Variants in AGBL4 observed in about 807,000 individuals in gnomAD.
The protein encoded by AGBL4 is AGBL carboxypeptidase 4.
A neutral mutation model predicts 66.4 loss-of-function variants in AGBL4; 58 were observed. The observed-to-expected ratio is 0.87, with a 90% CI of 0.71 to 1.09. The LOEUF (loss-of-function observed/expected upper bound fraction) is 1.09, where lower values mean the gene tolerates loss of function less well. AGBL4 is among the 50% of genes least tolerant of loss of function. The probability of loss-of-function intolerance (pLI) is 0.00; values close to 1 mark genes in which losing one functional copy is unlikely to be tolerated. For synonymous variants in AGBL4, 234 were observed against 222.9 expected, an observed-to-expected ratio of 1.05 and a Z score of -0.44; for missense variants, 579 against 631.0, an observed-to-expected ratio of 0.92 and a Z score of 0.88.
At chr1:49,685,383 G>A (rs562810318) in intron 3 of AGBL4, among the ~76,000 whole-genome samples, 11 of 152,178 alleles carry the variant, frequency 7.2e-5, no homozygotes, top group African/African-American at 2.6e-4. Flanking sequence ...GTGTCTTTAT[G>A]GTAGAAGGAT....
chr1:49,158,683 T>C (rs1296151291), intron 4 of AGBL4, among the ~76,000 whole-genome samples: 1 of 152,044 alleles, frequency 6.6e-6, no homozygotes, highest in East Asian at 1.9e-4. Context: ...AGTCCTCCAC[T>C]ATTATTCTGT....
intron 4 of AGBL4, among the ~76,000 whole-genome samples, chr1:49,194,480 AT>A (rs1398876384): frequency 1.3e-5 from 2 of 152,154 alleles, no homozygotes; most frequent in Non-Finnish European, 2.9e-5. Flanking sequence ...TCCAGTCTAT[AT>A]TTTTTAAGTG....
chr1:48,589,608 C>G (rs1032163289), intron 10 of AGBL4, among the ~76,000 whole-genome samples: 2 of 152,186 alleles, frequency 1.3e-5, no homozygotes, highest in Non-Finnish European at 2.9e-5. Context: ...TTTCCCACCC[C>G]ACAGCCTCTC....
intron 3 of AGBL4, among the ~76,000 whole-genome samples, chr1:49,684,458 A>T (rs1646751784): frequency 6.6e-6 from 1 of 152,122 alleles, no homozygotes; most frequent in South Asian, 2.1e-4. Flanking sequence ...TTAATTGTTC[A>T]GCAGTTAAAA....
chr1:49,712,856 T>TA, intron 2 of AGBL4, among the ~76,000 whole-genome samples: 1 of 152,100 alleles, frequency 6.6e-6, no homozygotes, highest in Non-Finnish European at 1.5e-5. Flanking sequence ...TTTTCATCTT[T>TA]AAAAGATGAA....
chr1:49,771,449 G>C (rs567323892), intron 2 of AGBL4, among the ~76,000 whole-genome samples: 79 of 152,098 alleles, frequency 5.2e-4, no homozygotes, highest in Middle Eastern at 3.4e-3. Flanking sequence ...TCCATGAGTG[G>C]TTGAGAAAAA....
At position 49,503,533 on chromosome 1, in the gene AGBL4, C is replaced by T. The variant is rs182644777; in HGVS notation, c.282+193780G>A. On this transcript the variant is annotated intron_variant, in intron 3 of 13. Coordinates refer to ENST00000371839, the MANE Select transcript of AGBL4 (RefSeq NM_032785.4). The stretch of plus-strand genomic sequence containing the variant: ...TGCACCTGGAAAAGCCACAGGTACT[C>T]AACACCAGTCTGTGAAAGCAGCCAG... Among the ~76,000 whole-genome samples, 196 of 152,234 alleles carry T rather than the reference C, an allele frequency of 1.3e-3. 2 individuals carry two copies. Among genetic ancestry groups the T allele is most frequent in the Middle Eastern group, 3.4e-3 (1 of 294 alleles).
intron 6 of AGBL4, among the ~76,000 whole-genome samples, chr1:48,825,169 C>A (rs1277745432): frequency 2.0e-5 from 3 of 152,146 alleles, no homozygotes; most frequent in Admixed American, 2.0e-4. Flanking sequence ...CAGCTTCGAA[C>A]ACAAACACAA....
chr1:49,816,066 T>G (rs568915647), intron 2 of AGBL4, among the ~76,000 whole-genome samples: 4 of 152,152 alleles, frequency 2.6e-5, no homozygotes, highest in Admixed American at 2.6e-4. Context: ...TATGTATTTT[T>G]TTAAGAGATG....
intron 5 of AGBL4, among the ~76,000 whole-genome samples, chr1:48,884,722 A>G (rs1446416423): frequency 2.0e-5 from 3 of 152,162 alleles, no homozygotes; most frequent in Non-Finnish European, 2.9e-5. Flanking sequence ...TTTCTCTGCA[A>G]GTAGAGTACC....
At chr1:49,463,089 C>T (rs971735898) in intron 3 of AGBL4, among the ~76,000 whole-genome samples, 2 of 151,624 alleles carry the variant, frequency 1.3e-5, no homozygotes, top group Non-Finnish European at 3.0e-5. Context: ...TGGGCCAGGA[C>T]CTTTACATGT....
chr1:49,724,821 G>A (rs1197480921), intron 2 of AGBL4, among the ~76,000 whole-genome samples: 4 of 152,118 alleles, frequency 2.6e-5, no homozygotes, highest in African/African-American at 9.7e-5. Flanking sequence ...GTGGCAAGAA[G>A]AAGGTCAGGA....
Position 49,000,331 on chromosome 1 carries a change from T to C in AGBL4, c.594+45253A>G, listed in dbSNP as rs369358617. On this transcript the variant is annotated intron_variant, in intron 5 of 13. Transcript: ENST00000371839. Reference sequence around the variant, plus strand: ...ACCTTTATGATCAAGTGATCTCCCTTATGTATATGACTGCACATGTCACTC... The same window carrying C: ...ACCTTTATGATCAAGTGATCTCCCTCATGTATATGACTGCACATGTCACTC... Among the ~76,000 whole-genome samples, 76 of 152,262 alleles carry C rather than the reference T, an allele frequency of 5.0e-4. 2 individuals carry two copies. The South Asian group carries it at 0.014, about 29-fold the overall frequency.
chr1:49,800,361 T>C (rs1247414903), intron 2 of AGBL4, among the ~76,000 whole-genome samples: 5 of 85,974 alleles, frequency 5.8e-5, no homozygotes, highest in Non-Finnish European at 2.4e-5. Context: ...ATTTTTTTTC[T>C]CATTTTCTTT....
In AGBL4 at chr1:48,696,328, G is replaced by A. The variant is rs545489349; in HGVS notation, c.635-33087C>T. On this transcript the variant is annotated intron_variant, in intron 6 of 13. Transcript: ENST00000371839. ...CTTGTCACTCACGTTGAGCTTGGAAGGATCCACATCATCGAGCTGGTGACC... is the reference window on the plus strand; with the variant it reads ...CTTGTCACTCACGTTGAGCTTGGAAAGATCCACATCATCGAGCTGGTGACC... Among the ~76,000 whole-genome samples, 7 of 152,270 alleles carry A rather than the reference G, an allele frequency of 4.6e-5. No homozygotes were observed. The South Asian group carries it at 1.0e-3, about 23-fold the overall frequency.
intron 5 of AGBL4, among the ~76,000 whole-genome samples, chr1:48,886,337 G>T (rs146478611): frequency 6.6e-6 from 1 of 152,260 alleles, no homozygotes; most frequent in Non-Finnish European, 1.5e-5. Flanking sequence ...GATGTTTTTG[G>T]CTGAGACAAT....
At chr1:48,722,333 C>G (rs1171860304) in intron 6 of AGBL4, among the ~76,000 whole-genome samples, 2 of 151,890 alleles carry the variant, frequency 1.3e-5, no homozygotes, top group Non-Finnish European at 2.9e-5. Flanking sequence ...ATGGGGAGGA[C>G]TAAAGAGCTG....
intron 5 of AGBL4, among the ~76,000 whole-genome samples, chr1:48,992,125 C>T (rs1229357224): frequency 6.6e-6 from 1 of 152,030 alleles, no homozygotes; most frequent in African/African-American, 2.4e-5. Flanking sequence ...TGTATCTGTC[C>T]TTTTTGGGAA....
At chr1:49,521,310 C>T (rs1650246200) in intron 3 of AGBL4, among the ~76,000 whole-genome samples, 1 of 151,898 alleles carries the variant, frequency 6.6e-6, no homozygotes, top group Non-Finnish European at 1.5e-5. Context: ...AAAAGCAATC[C>T]TAAGTAAAAA....
Sources: allele counts gnomAD v4.1 joint callset (sites outside exome capture counted in the v4.1 genomes callset), GRCh38; gene constraint gnomAD v4.1.1; transcripts MANE v1.5; gene names NCBI Gene and HGNC (gene_info 2026-07-23, HGNC 2026-07-21).